Variants in MYH11 observed in about 807,000 individuals in gnomAD.
MYH11 encodes myosin heavy chain 11.
In MYH11, 80 loss-of-function variants were observed where a neutral mutation model predicts 246.6. The ratio of observed to expected loss-of-function variants is 0.32; its 90% CI spans 0.27 to 0.39. The LOEUF (loss-of-function observed/expected upper bound fraction) is 0.39. Among genes scored for constraint, MYH11 ranks in the 10% least tolerant of loss-of-function variants. The pLI, the probability that MYH11 is intolerant of heterozygous loss-of-function variation, is 1.00. For missense variants in MYH11, 2,158 were observed against 2,546.8 expected, an observed-to-expected ratio of 0.85 and a Z score of 3.29; for synonymous variants, 1,071 against 1,015.5, an observed-to-expected ratio of 1.05 and a Z score of -1.04.
chr16:15,831,622 G>T (rs1474265651), intron 2 of MYH11, among the ~76,000 whole-genome samples: 1 of 152,054 alleles, frequency 6.6e-6, no homozygotes, highest in Non-Finnish European at 1.5e-5. Context: ...ACTGGAGGAG[G>T]TTCTTTGAAG....
chr16:15,778,939 G>C, intron 6 of MYH11, 96 bp from the exon 7 acceptor site: 1 of 1,179,756 alleles, frequency 8.5e-7, no homozygotes, highest in Non-Finnish European at 1.3e-6. Context: ...ACAGAGGATG[G>C]GAGGTGGGGC....
At chr16:15,782,011 C>T (rs568422140) in intron 6 of MYH11, among the ~76,000 whole-genome samples, 1 of 152,068 alleles carries the variant, frequency 6.6e-6, no homozygotes, top group Non-Finnish European at 1.5e-5. Context: ...ATATAAGGGT[C>T]TAGCCCATAC....
chr16:15,820,261 T>C (rs2043373661), intron 3 of MYH11, among the ~76,000 whole-genome samples: 1 of 151,840 alleles, frequency 6.6e-6, no homozygotes, highest in South Asian at 2.1e-4. Flanking sequence ...CAGATCACAA[T>C]GTCAGGAGAT....
intron 9 of MYH11, among the ~76,000 whole-genome samples, chr16:15,768,570 A>G (rs1442393558): frequency 6.6e-6 from 1 of 152,192 alleles, no homozygotes; most frequent in African/African-American, 2.4e-5. Context: ...TTTGCACGCC[A>G]TCGTCTGAAT....
intron 6 of MYH11, 82 bp downstream of exon 6, chr16:15,782,303 T>G (rs2042373956): frequency 8.2e-7 from 1 of 1,219,972 alleles, no homozygotes; most frequent in African/African-American, 1.5e-5. Context: ...CCCTCCCACC[T>G]CTGCACGCAA....
At chr16:15,847,725 G>C (rs1025392899) in intron 1 of MYH11, among the ~76,000 whole-genome samples, 3 of 152,164 alleles carry the variant, frequency 2.0e-5, no homozygotes, top group Non-Finnish European at 4.4e-5. Context: ...TTCAGTCTCT[G>C]TACAAAAAAG....
At chr16:15,738,270 CCAAGGTGGGAGGA>C (rs2041178961) in intron 24 of MYH11, among the ~76,000 whole-genome samples, 1 of 151,914 alleles carries the variant, frequency 6.6e-6, no homozygotes, top group Non-Finnish European at 1.5e-5. Flanking sequence ...CTTTGGGAGG[CCAAGGTGGGAGGA>C]CTGCTTGGGC....
intron 28 of MYH11, chr16:15,725,746 T>C (rs748823178): frequency 7.5e-6 from 3 of 398,726 alleles, no homozygotes; most frequent in East Asian, 7.1e-5. Context: ...TGTGAAAACT[T>C]TGGCCACGTC....
rs2151359938 is a variant in MYH11, at chr16:15,823,419, CAG to C, written c.346-10_346-9del. The stretch of plus-strand genomic sequence containing the variant: ...GAAGAGGCCAGAGTACGTCTGCAGA[CAG>C]AGAACCCAGCTTACTTCCAGACCTC... On this transcript the variant is annotated splice_polypyrimidine_tract_variant and intron_variant, in intron 2 of 40. Coordinates refer to ENST00000300036, the MANE Select transcript of MYH11 (RefSeq NM_002474.3). The C allele has an allele frequency of 6.2e-7, 1 of 1,614,176 alleles. No homozygotes were observed. Among genetic ancestry groups the C allele is most frequent in the Non-Finnish European group, 8.5e-7 (1 of 1,180,040 alleles).
chr16:15,715,397 C>G, intron 38 of MYH11, 125 bp from the exon 39 acceptor site: 1 of 822,316 alleles, frequency 1.2e-6, no homozygotes. Flanking sequence ...TCTCAAGAAT[C>G]AGTCAGATGG....
At position 15,777,831 on chromosome 16, in the gene MYH11, C is replaced by A. The variant is rs184907932; in HGVS notation, c.790+949G>T. Among the ~76,000 whole-genome samples the A allele has an allele frequency of 4.0e-3, 602 of 152,234 alleles. 8 individuals carry two copies. The highest frequency in any genetic ancestry group is 0.013 in the African/African-American group (556 of 41,540). ...ACCAGCTCCAGAAACTAGGTGCAATCACCCCCATTTTACCGAGGCAAAACT... is the reference window on the plus strand; with the variant it reads ...ACCAGCTCCAGAAACTAGGTGCAATAACCCCCATTTTACCGAGGCAAAACT... On this transcript the variant is annotated intron_variant, in intron 7 of 40. Coordinates refer to ENST00000300036, the MANE Select transcript of MYH11 (RefSeq NM_002474.3).
At chr16:15,765,125 G>A (rs2041952998) in intron 9 of MYH11, among the ~76,000 whole-genome samples, 1 of 152,194 alleles carries the variant, frequency 6.6e-6, no homozygotes, top group African/African-American at 2.4e-5. Context: ...GGAGAGAGAT[G>A]GATGGATGGT....
intron 10 of MYH11, among the ~76,000 whole-genome samples, chr16:15,762,381 G>C (rs899468843): frequency 1.3e-5 from 2 of 152,164 alleles, no homozygotes; most frequent in Non-Finnish European, 2.9e-5. Flanking sequence ...CCAAAGGTTT[G>C]AAATTATGGT....
At position 15,708,535 on chromosome 16, in the gene MYH11, A is replaced by G. The variant is rs185582991; in HGVS notation, c.5787-4412T>C. ...AGCCTCTGCCATCTCGTCAAGATGCAGTGATAAGGGCGCACACTGTTGGGT... is the reference window on the plus strand; with the variant it reads ...AGCCTCTGCCATCTCGTCAAGATGCGGTGATAAGGGCGCACACTGTTGGGT... On this transcript the variant is annotated intron_variant, in intron 40 of 40. Coordinates refer to ENST00000300036, the MANE Select transcript of MYH11 (RefSeq NM_002474.3). Among the ~76,000 whole-genome samples the G allele has an allele frequency of 3.4e-4, 52 of 152,342 alleles. No homozygotes were observed. In the East Asian group the frequency reaches 0.01, roughly 29 times the overall value.
chr16:15,800,751 C>T (rs558704981), intron 3 of MYH11, among the ~76,000 whole-genome samples: 1 of 152,010 alleles, frequency 6.6e-6, no homozygotes, highest in African/African-American at 2.4e-5. Context: ...TGGGCACGTT[C>T]CTCAGATTCT....
chr16:15,710,663 G>A (rs1477574608), intron 40 of MYH11, among the ~76,000 whole-genome samples: 3 of 152,010 alleles, frequency 2.0e-5, no homozygotes, highest in Non-Finnish European at 4.4e-5. Context: ...TGCCAGCAGA[G>A]CACATCTGAG....
chr16:15,731,617 G>A lies in MYH11; in HGVS notation c.3651+947C>T, dbSNP rs140083528. Among the ~76,000 whole-genome samples, 1,266 of 151,356 alleles carry A rather than the reference G, an allele frequency of 8.4e-3. 16 individuals carry two copies. The highest frequency in any genetic ancestry group is 0.03 in the African/African-American group (1,230 of 41,238). On this transcript the variant is annotated intron_variant, in intron 27 of 40. Transcript: ENST00000300036. Reference sequence around the variant, plus strand: ...AGTGATTGTCCTGCCTCAGCCTCCCGAGTAGCTAAGATTACAGGCACATGC... The same window carrying A: ...AGTGATTGTCCTGCCTCAGCCTCCCAAGTAGCTAAGATTACAGGCACATGC...
chr16:15,788,077 C>A (rs201038530), intron 4 of MYH11, among the ~76,000 whole-genome samples: 3 of 55,376 alleles, frequency 5.4e-5, no homozygotes, highest in Admixed American at 2.2e-4. Flanking sequence ...GAAGGTAGAT[C>A]TTTTTTTTTT....
intron 25 of MYH11, among the ~76,000 whole-genome samples, chr16:15,736,952 TG>T (rs2041135295): frequency 6.6e-6 from 1 of 151,552 alleles, no homozygotes; most frequent in African/African-American, 2.4e-5. Context: ...AGGAAATGGG[TG>T]GGGGACATTT....
Sources: allele counts gnomAD v4.1 joint callset (sites outside exome capture counted in the v4.1 genomes callset), GRCh38; gene constraint gnomAD v4.1.1; transcripts MANE v1.5; gene names NCBI Gene and HGNC (gene_info 2026-07-23, HGNC 2026-07-21).